MGAM2: variants seen among roughly 807,000 people sequenced by gnomAD.
The protein encoded by MGAM2 is probable maltase-glucoamylase 2.
A neutral mutation model predicts 96.1 loss-of-function variants in MGAM2; 98 were observed. The observed-to-expected ratio is 1.02, with a 90% CI of 0.87 to 1.21. The LOEUF (loss-of-function observed/expected upper bound fraction) is 1.21. Among genes scored for constraint, MGAM2 ranks in the 50% most tolerant of loss-of-function variants. MGAM2 has a pLI of 0.00. For missense variants in MGAM2, 2,055 were observed against 1,182.4 expected, an observed-to-expected ratio of 1.74 and a Z score of -10.82; for synonymous variants, 749 against 414.8, an observed-to-expected ratio of 1.81 and a Z score of -9.79.
chr7:142,201,811 A>G (rs563897678), intron 45 of MGAM2, among the ~76,000 whole-genome samples: 3 of 152,348 alleles, frequency 2.0e-5, no homozygotes, highest in African/African-American at 7.2e-5. Context: ...GAGGATGTGT[A>G]TAGGTTATAT....
intron 31 of MGAM2, among the ~76,000 whole-genome samples, chr7:142,173,892 A>T (rs1055184902): frequency 1.3e-5 from 2 of 152,184 alleles, no homozygotes; most frequent in African/African-American, 4.8e-5. Flanking sequence ...TCCATTCTAC[A>T]TATGGCTAGC....
intron 25 of MGAM2, among the ~76,000 whole-genome samples, chr7:142,166,590 A>G (rs1796034667): frequency 6.6e-6 from 1 of 152,164 alleles, no homozygotes; most frequent in Admixed American, 6.6e-5. Flanking sequence ...GTTCCTGTCT[A>G]TTTGAACAAC....
At position 142,189,440 on chromosome 7, in the gene MGAM2, C is replaced by G. The variant is rs1224018889; in HGVS notation, c.4281C>G (p.Ser1427Arg). 1.3e-6 allele frequency: 1 copy of G among 782,946 alleles called. No individual in the cohort carries two copies. The highest frequency in any genetic ancestry group is 2.7e-5 in the East Asian group (1 of 37,490). 48.5% of individuals were successfully genotyped at this position (782,946 alleles called of 1,614,324 possible). A position where few individuals can be genotyped will look rare whatever the true frequency, so the allele number is the denominator to read the frequency against. ...CMESQQILPD[S>R]SPVEHYNVHN... The stretch of plus-strand genomic sequence containing the variant: ...AGAGTCAGCAGATCCTGCCGGACAG[C>G]TCCCCCGTGGAGCACTACAACGTGC... The change falls in exon 37 of 48, where the codon AGC becomes AGG. Residue 1427 changes from serine (S) to arginine (R), a missense_variant. Transcript: ENST00000477922.
intron 37 of MGAM2, among the ~76,000 whole-genome samples, chr7:142,191,510 T>G (rs1250056621): frequency 6.6e-6 from 1 of 152,160 alleles, no homozygotes; most frequent in Non-Finnish European, 1.5e-5. Flanking sequence ...TCCTTCATTT[T>G]ATTATCTTGA....
chr7:142,170,348 A>G, intron 27 of MGAM2, 119 bp downstream of exon 27: 1 of 508,164 alleles, frequency 2.0e-6, no homozygotes, highest in Non-Finnish European at 3.5e-6. Flanking sequence ...TGCATTTGTT[A>G]GAGTATATCT....
At chr7:142,112,371 G>C (rs1414764442) in intron 1 of MGAM2, among the ~76,000 whole-genome samples, 1 of 152,112 alleles carries the variant, frequency 6.6e-6, no homozygotes, top group Non-Finnish European at 1.5e-5. Context: ...GAGGATTGAG[G>C]AGCTGTGGAG....
At chr7:142,169,092 G>A (rs1258938383) in intron 26 of MGAM2, among the ~76,000 whole-genome samples, 1 of 152,188 alleles carries the variant, frequency 6.6e-6, no homozygotes, top group Non-Finnish European at 1.5e-5. Context: ...AGGCAATGCT[G>A]CTGCTTTGGG....
Position 142,157,948 on chromosome 7 carries a change from C to G in MGAM2, c.1935C>G (p.Pro645=), listed in dbSNP as rs1339433988. Residue 645 remains proline (P), a synonymous_variant, in exon 18 of 48, where the codon CCC becomes CCG. Coordinates refer to ENST00000477922, the MANE Select transcript of MGAM2 (RefSeq NM_001293626.2). ...CCATTTTCTCCTAGGACCAGGATCC[C>G]GCTGCCTTTGGTGTTGATTCCCTGC... ...HNGPGFRDQD[P]AAFGVDSLLL... 1.4e-6 allele frequency: 1 copy of G among 702,752 alleles called. No homozygotes were observed. The allele number at this position is 702,752 out of a possible 1,614,324, so 43.5% of individuals were successfully genotyped here.
At chr7:142,116,356 G>A (rs1817401813) in intron 1 of MGAM2, among the ~76,000 whole-genome samples, 1 of 152,168 alleles carries the variant, frequency 6.6e-6, no homozygotes, top group Non-Finnish European at 1.5e-5. Context: ...GATCATTTTT[G>A]TTACCAGATC....
chr7:142,149,617 T>G (rs1399281757), intron 15 of MGAM2, among the ~76,000 whole-genome samples: 2 of 151,932 alleles, frequency 1.3e-5, no homozygotes, highest in Admixed American at 1.3e-4. Context: ...CTCGGCTCAC[T>G]GCAAGCTCCG....
intron 1 of MGAM2, among the ~76,000 whole-genome samples, chr7:142,114,212 A>AAGAAAGAG (rs1291990105): frequency 4.7e-5 from 5 of 107,200 alleles, no homozygotes; most frequent in Non-Finnish European, 7.6e-5. Context: ...GAAAGAAAGA[A>AAGAAAGAG]AGAGAGAAAG....
intron 15 of MGAM2, among the ~76,000 whole-genome samples, chr7:142,150,525 C>A (rs1795543614): frequency 6.6e-6 from 1 of 152,132 alleles, no homozygotes; most frequent in Admixed American, 6.5e-5. Context: ...ACCCTCTACC[C>A]TTTCTACTTG....
intron 15 of MGAM2, among the ~76,000 whole-genome samples, chr7:142,147,982 A>G (rs6954522): frequency 0.48 from 72,662 of 151,834 alleles, 18,075 homozygotes; most frequent in Admixed American, 0.57. Flanking sequence ...TTGGAATTTG[A>G]ATTTACCTGT....
At chr7:142,191,789 A>G (rs913562955) in intron 37 of MGAM2, among the ~76,000 whole-genome samples, 28 of 152,188 alleles carry the variant, frequency 1.8e-4, no homozygotes, top group African/African-American at 6.5e-4. Context: ...CATTGAGTCT[A>G]TAAATCAGTT....
chr7:142,188,109 A>AACACAC (rs60052742), intron 36 of MGAM2, among the ~76,000 whole-genome samples: 18,295 of 143,476 alleles, frequency 0.13, 1,155 homozygotes, highest in South Asian at 0.19. Flanking sequence ...TAAACCCTTA[A>AACACAC]ACACACACAC....
chr7:142,155,286 A>C (rs1795703651), intron 17 of MGAM2, among the ~76,000 whole-genome samples: 1 of 152,176 alleles, frequency 6.6e-6, no homozygotes, highest in South Asian at 2.1e-4. Context: ...CCTTTCTATG[A>C]AGAGTTTGGA....
chr7:142,131,430 C>T lies in MGAM2; in HGVS notation c.311-88C>T, dbSNP rs141777683. Reference sequence around the variant, plus strand: ...CCAGCCTGGGCCACAGGGCAAGACTCCATCTCAAAACAAAAACAAAAACAA... The same window carrying T: ...CCAGCCTGGGCCACAGGGCAAGACTTCATCTCAAAACAAAAACAAAAACAA... On this transcript the variant is annotated intron_variant, in intron 4 of 47. Coordinates refer to ENST00000477922, the MANE Select transcript of MGAM2 (RefSeq NM_001293626.2). 2.3e-3 allele frequency: 1,498 copies of T among 659,872 alleles called. 4 individuals carry two copies. Among genetic ancestry groups the T allele is most frequent in the Admixed American group, 4.6e-3 (207 of 45,382 alleles). 40.9% of individuals were successfully genotyped at this position (659,872 alleles called of 1,614,324 possible).
chr7:142,152,993 T>A (rs939439511), intron 15 of MGAM2, among the ~76,000 whole-genome samples: 8 of 6,004 alleles, frequency 1.3e-3, no homozygotes, highest in Non-Finnish European at 3.0e-3. Flanking sequence ...CTTTTATTCC[T>A]TTTTTTTTTT....
At chr7:142,193,635 C>T (rs1020258758) in intron 37 of MGAM2, among the ~76,000 whole-genome samples, 4 of 152,146 alleles carry the variant, frequency 2.6e-5, no homozygotes, top group African/African-American at 9.7e-5. Flanking sequence ...TTGCTAGTTT[C>T]TCAGGATCTT....
Sources: gnomAD v4.1 joint callset for allele counts (sites outside exome capture counted in the v4.1 genomes callset) on GRCh38, gnomAD v4.1.1 for gene constraint, MANE v1.5 for transcripts, NCBI Gene and HGNC (gene_info 2026-07-23, HGNC 2026-07-21) for gene names.